The following EYA3 variants were observed in gnomAD, a reference collection of about 807,000 sequenced individuals.
EYA3 encodes protein phosphatase EYA3.
Under a neutral mutation model 80.0 loss-of-function variants are expected in EYA3, and 39 were observed. The observed-to-expected ratio is 0.49, with a 90% CI of 0.38 to 0.64. The LOEUF (loss-of-function observed/expected upper bound fraction) is 0.64. EYA3 is among the 30% of genes least tolerant of loss of function. The pLI, the probability that EYA3 is intolerant of heterozygous loss-of-function variation, is 0.00. For missense variants in EYA3, 523 were observed against 676.1 expected (o/e 0.77, Z 2.51); for synonymous variants, 206 against 232.8 (o/e 0.88, Z 1.05).
chr1:28,057,260 A>T (rs1040992323), intron 2 of EYA3, among the ~76,000 whole-genome samples: 1 of 152,172 alleles, frequency 6.6e-6, no homozygotes, highest in Non-Finnish European at 1.5e-5. Context: ...TCAAATTTTT[A>T]TAGGTTAGAT....
At chr1:28,062,574 T>C (rs1206024520) in intron 1 of EYA3, among the ~76,000 whole-genome samples, 1 of 152,078 alleles carries the variant, frequency 6.6e-6, no homozygotes, top group Non-Finnish European at 1.5e-5. Context: ...CCTGTAAATG[T>C]AAATGGCCAT....
chr1:28,014,592 G>A (rs1277413751), intron 8 of EYA3, among the ~76,000 whole-genome samples: 1 of 151,956 alleles, frequency 6.6e-6, no homozygotes, highest in Admixed American at 6.6e-5. Context: ...GCCAGGTATG[G>A]TGGCATGCAC....
At chr1:27,992,551 C>T (rs1324044224) in intron 14 of EYA3, among the ~76,000 whole-genome samples, 1 of 152,188 alleles carries the variant, frequency 6.6e-6, no homozygotes, top group Non-Finnish European at 1.5e-5. Flanking sequence ...ATTGGGGACC[C>T]CTGCTCTAGG....
chr1:28,044,123 G>A (rs1643915898), intron 3 of EYA3, among the ~76,000 whole-genome samples: 1 of 152,102 alleles, frequency 6.6e-6, no homozygotes, highest in African/African-American at 2.4e-5. Flanking sequence ...CAGAAATTCT[G>A]GAATGAAGAT....
chr1:28,023,040 C>A (rs1004319204), intron 7 of EYA3, among the ~76,000 whole-genome samples: 2 of 147,316 alleles, frequency 1.4e-5, no homozygotes, highest in African/African-American at 5.3e-5. Context: ...ACAAGATGAG[C>A]CTGGAGCATC....
intron 14 of EYA3, among the ~76,000 whole-genome samples, chr1:27,992,038 G>A (rs904390603): frequency 6.6e-6 from 1 of 152,200 alleles, no homozygotes; most frequent in Non-Finnish European, 1.5e-5. Context: ...AAGTAAATTA[G>A]ATTCCTGAAG....
intron 6 of EYA3, among the ~76,000 whole-genome samples, chr1:28,031,065 T>C (rs1557592609): frequency 6.6e-6 from 1 of 152,222 alleles, no homozygotes; most frequent in Admixed American, 6.5e-5. Flanking sequence ...GAGAATGTTT[T>C]GATAGTCTCC....
rs181714344 is a variant in EYA3, at chr1:27,994,503, A to G, written c.1143-943T>C. ...CTCCTGAGGTCCCGCCTCGGCCAAC[A>G]TGGTGAAACCCTGTCTTTACAAAAA... On this transcript the variant is annotated intron_variant, in intron 13 of 17. Transcript: ENST00000373871. 3.3e-5 allele frequency among the ~76,000 whole-genome samples: 5 copies of G among 152,244 alleles called. No individual in the cohort carries two copies. In the East Asian group the frequency reaches 9.7e-4, roughly 30 times the overall value.
Position 27,988,798 on chromosome 1 carries a change from C to G in EYA3, c.1419-142G>C, listed in dbSNP as rs1012126546. On this transcript the variant is annotated intron_variant, in intron 15 of 17. Coordinates refer to ENST00000373871, the MANE Select transcript of EYA3 (RefSeq NM_001990.4). Reference sequence around the variant, plus strand: ...TATTATACTGTTCAGAGCCAATGTTCAGCTACTACTCATTATTTCATGTTC... The same window carrying G: ...TATTATACTGTTCAGAGCCAATGTTGAGCTACTACTCATTATTTCATGTTC... 4 of 822,324 alleles carry G rather than the reference C, an allele frequency of 4.9e-6. No individual in the cohort carries two copies. In the African/African-American group the frequency reaches 7.1e-5, roughly 14 times the overall value. The allele number at this position is 822,324 out of a possible 1,614,324, so 50.9% of individuals were successfully genotyped here.
intron 11 of EYA3, among the ~76,000 whole-genome samples, chr1:28,001,629 C>T (rs920919833): frequency 3.4e-5 from 5 of 149,246 alleles, no homozygotes; most frequent in Admixed American, 1.3e-4. Flanking sequence ...GTCCCAGCCA[C>T]TCAGGGGACT....
chr1:28,076,118 C>A (rs1223458624), intron 1 of EYA3, among the ~76,000 whole-genome samples: 1 of 152,192 alleles, frequency 6.6e-6, no homozygotes, highest in Non-Finnish European at 1.5e-5. Flanking sequence ...CTGCAACCAC[C>A]TACACCTCCC....
intron 17 of EYA3, among the ~76,000 whole-genome samples, chr1:27,975,659 A>G (rs1253111262): frequency 6.7e-6 from 1 of 149,500 alleles, no homozygotes; most frequent in African/African-American, 2.5e-5. Context: ...CTAATTTTTT[A>G]CATTTTTAGT....
chr1:28,045,264 G>A (rs1048835954), intron 3 of EYA3, among the ~76,000 whole-genome samples: 9 of 152,164 alleles, frequency 5.9e-5, no homozygotes, highest in Admixed American at 3.3e-4. Context: ...AGTTGTGTCA[G>A]TTTCCCAAAC....
intron 17 of EYA3, among the ~76,000 whole-genome samples, chr1:27,977,882 A>C (rs1187576746): frequency 5.3e-5 from 8 of 151,806 alleles, no homozygotes; most frequent in Admixed American, 5.2e-4. Context: ...GAAAAAAAGA[A>C]GGGGTGACCT....
intron 5 of EYA3, among the ~76,000 whole-genome samples, chr1:28,038,127 C>T (rs1299294582): frequency 6.6e-6 from 1 of 152,160 alleles, no homozygotes; most frequent in Non-Finnish European, 1.5e-5. Context: ...CGGTTCTACT[C>T]TGAGGACATT....
chr1:27,983,420 C>T (rs1265747021), intron 16 of EYA3, among the ~76,000 whole-genome samples: 1 of 152,168 alleles, frequency 6.6e-6, no homozygotes, highest in Non-Finnish European at 1.5e-5. Flanking sequence ...GGCAGAGTTC[C>T]CATTACATTG....
chr1:27,992,328 T>C (rs142292627), intron 14 of EYA3, among the ~76,000 whole-genome samples: 137 of 152,328 alleles, frequency 9.0e-4, no homozygotes, highest in African/African-American at 3.2e-3. Context: ...AGGCATTAGT[T>C]AGATTTTCAT....
intron 13 of EYA3, among the ~76,000 whole-genome samples, chr1:27,995,161 T>G (rs1196963157): frequency 2.6e-5 from 4 of 151,838 alleles, no homozygotes; most frequent in Non-Finnish European, 5.9e-5. Flanking sequence ...TCCCAGCACT[T>G]TGGGAGGCCA....
intron 1 of EYA3, among the ~76,000 whole-genome samples, chr1:28,088,303 CAGCGAGGCGA>C (rs1325611375): frequency 1.3e-5 from 2 of 152,138 alleles, no homozygotes; most frequent in African/African-American, 4.8e-5. Flanking sequence ...TGAGGAAAAA[CAGCGAGGCGA>C]CAGAGGCACG....
Sources: gnomAD v4.1 joint callset for allele counts (sites outside exome capture counted in the v4.1 genomes callset) on GRCh38, gnomAD v4.1.1 for gene constraint, MANE v1.5 for transcripts, NCBI Gene and HGNC (gene_info 2026-07-23, HGNC 2026-07-21) for gene names.